Variants in JPH3 observed in about 807,000 individuals in gnomAD.
The protein encoded by JPH3 is junctophilin 3, also known as junctophilin-3.
In JPH3, 11 loss-of-function variants were observed where a neutral mutation model predicts 59.6. The observed-to-expected ratio is 0.18, with a 90% CI of 0.12 to 0.31. JPH3 has a LOEUF of 0.31. Among genes scored for constraint, JPH3 ranks in the 10% least tolerant of loss-of-function variants. JPH3 has a pLI of 1.00. For synonymous variants in JPH3, 673 were observed against 483.6 expected (o/e 1.39, Z -5.14); for missense variants, 1,202 against 1,105.7 (o/e 1.09, Z -1.24).
chr16:87,618,541 G>A (rs1329213804), intron 1 of JPH3, among the ~76,000 whole-genome samples: 1 of 152,232 alleles, frequency 6.6e-6, no homozygotes, highest in Non-Finnish European at 1.5e-5. Flanking sequence ...CTGGGAGACA[G>A]ACTGACAGTG....
rs1028487608 is a variant in JPH3, at chr16:87,677,191, C to T, written c.1161-6951C>T. On this transcript the variant is annotated intron_variant, in intron 2 of 4. Coordinates refer to ENST00000284262, the MANE Select transcript of JPH3 (RefSeq NM_020655.4). ...CACACGCACTATATATATATACACA[C>T]ACACACACACACACACACACACACA... Among the ~76,000 whole-genome samples, 599 of 104,394 alleles carry T rather than the reference C, an allele frequency of 5.7e-3. 16 individuals are homozygous for T. Among genetic ancestry groups the T allele is most frequent in the African/African-American group, 0.023 (563 of 24,816 alleles). The allele number at this position is 104,394 out of a possible 152,430, so 68.5% of individuals were successfully genotyped here.
At chr16:87,629,484 C>T (rs544453063) in intron 1 of JPH3, among the ~76,000 whole-genome samples, 51 of 147,076 alleles carry the variant, frequency 3.5e-4, no homozygotes, top group African/African-American at 1.2e-3. Flanking sequence ...TGCCCAAAGT[C>T]GGAAGCAGCG....
rs1347075804 is a variant in JPH3 at position 87,690,436 on chromosome 16, T to A, written c.2076T>A (p.Arg692=). 24 of 1,495,226 alleles carry A rather than the reference T, an allele frequency of 1.6e-5. No homozygotes were observed. The highest frequency in any genetic ancestry group is 2.4e-5 in the Admixed American group (1 of 41,006). 92.6% of individuals were successfully genotyped at this position (1,495,226 alleles called of 1,614,324 possible). ...RLGGAEPRLL[R]WDLTFSPPQK... ...GCGGGGCCGAGCCCCGGTTGCTGCGTTGGGACTTGACCTTCTCCCCGCCCC... is the reference window on the plus strand; with the variant it reads ...GCGGGGCCGAGCCCCGGTTGCTGCGATGGGACTTGACCTTCTCCCCGCCCC... Residue 692 remains arginine (R), a synonymous_variant, in exon 4 of 5, where the codon CGT becomes CGA. Coordinates refer to ENST00000284262, the MANE Select transcript of JPH3 (RefSeq NM_020655.4).
In JPH3 at chr16:87,611,923, T is replaced by A. The variant is rs1236715713; in HGVS notation, c.382+8395T>A. ...GGTTAGAAATGCAGCGTGTCAGGCC[T>A]GCCTGACCTCCAGGGTCAGGATGTG... On this transcript the variant is annotated intron_variant, in intron 1 of 4. Transcript: ENST00000284262. The surrounding 1 kb of genome is among the most constrained non-coding windows in gnomAD (Gnocchi z 4.5). Among the ~76,000 whole-genome samples the A allele has an allele frequency of 6.6e-6, 1 of 152,184 alleles. No individual in the cohort carries two copies. The highest frequency in any genetic ancestry group is 2.4e-5 in the African/African-American group (1 of 41,448).
intron 2 of JPH3, among the ~76,000 whole-genome samples, chr16:87,682,161 C>G (rs2033312244): frequency 6.6e-6 from 1 of 152,194 alleles, no homozygotes; most frequent in African/African-American, 2.4e-5. Context: ...TGCTTCATTT[C>G]CTGGACACGT....
intron 1 of JPH3, among the ~76,000 whole-genome samples, chr16:87,632,921 C>G (rs1052669112): frequency 6.6e-6 from 1 of 151,850 alleles, no homozygotes; most frequent in Non-Finnish European, 1.5e-5. Context: ...TTGGTAGAGA[C>G]AGGGTCTTGC....
At chr16:87,624,336 CCT>C (rs1366505541) in intron 1 of JPH3, among the ~76,000 whole-genome samples, 1 of 152,202 alleles carries the variant, frequency 6.6e-6, no homozygotes, top group East Asian at 1.9e-4. Context: ...GCTCCCCACC[CCT>C]GGTGACCGAG....
intron 2 of JPH3, among the ~76,000 whole-genome samples, chr16:87,668,452 T>A (rs1186515150): frequency 2.0e-5 from 3 of 152,198 alleles, no homozygotes; most frequent in Non-Finnish European, 2.9e-5. Flanking sequence ...TTCCCTTCAC[T>A]GAGCCTTCAT....
At chr16:87,652,729 G>A (rs1378667796) in intron 2 of JPH3, among the ~76,000 whole-genome samples, 3 of 152,270 alleles carry the variant, frequency 2.0e-5, no homozygotes, top group South Asian at 2.1e-4. Flanking sequence ...CGTGAGTTGA[G>A]GCCCTTGGAT....
intron 1 of JPH3, among the ~76,000 whole-genome samples, chr16:87,636,997 C>G (rs1032868541): frequency 6.6e-6 from 1 of 152,224 alleles, no homozygotes; most frequent in South Asian, 2.1e-4. Flanking sequence ...TCCAGCATGA[C>G]GGGGGTCAGG....
intron 2 of JPH3, among the ~76,000 whole-genome samples, chr16:87,652,439 TA>T (rs2032353667): frequency 6.6e-6 from 1 of 152,240 alleles, no homozygotes. Flanking sequence ...ATAGCACGCT[TA>T]ATAGACTACA....
At chr16:87,678,018 C>G (rs1262430322) in intron 2 of JPH3, among the ~76,000 whole-genome samples, 1 of 150,414 alleles carries the variant, frequency 6.6e-6, no homozygotes, top group African/African-American at 2.5e-5. Flanking sequence ...TTTGGGAGGC[C>G]AAGGTGGAGG....
At position 87,682,678 on chromosome 16, in the gene JPH3, T is replaced by C. The variant is rs1230889524; in HGVS notation, c.1161-1464T>C. On this transcript the variant is annotated intron_variant, in intron 2 of 4. Transcript: ENST00000284262. Reference sequence around the variant, plus strand: ...TCTGCTATTGATGAGCCGCCCAAGCTGCGGTGCTTTGTTGCAGCCCCAACA... The same window carrying C: ...TCTGCTATTGATGAGCCGCCCAAGCCGCGGTGCTTTGTTGCAGCCCCAACA... Among the ~76,000 whole-genome samples, 4 of 152,322 alleles carry C rather than the reference T, an allele frequency of 2.6e-5. No homozygotes were observed. In the East Asian group the frequency reaches 7.7e-4, roughly 29 times the overall value.
At chr16:87,614,191 G>C (rs558455662) in intron 1 of JPH3, among the ~76,000 whole-genome samples, 1 of 152,056 alleles carries the variant, frequency 6.6e-6, no homozygotes, top group Non-Finnish European at 1.5e-5. Flanking sequence ...CTGCAGATAC[G>C]AGGAGCCGCG....
intron 1 of JPH3, among the ~76,000 whole-genome samples, chr16:87,629,327 T>C (rs1458995608): frequency 6.6e-6 from 1 of 152,198 alleles, no homozygotes; most frequent in South Asian, 2.1e-4. Flanking sequence ...TGCAGGAGTT[T>C]TAGTAAAGAT....
intron 1 of JPH3, among the ~76,000 whole-genome samples, chr16:87,626,679 A>G (rs1182597113): frequency 2.0e-5 from 3 of 152,262 alleles, no homozygotes; most frequent in South Asian, 2.1e-4. Flanking sequence ...GGGGTGGTGC[A>G]TGTCCAGAAC....
intron 1 of JPH3, among the ~76,000 whole-genome samples, chr16:87,631,388 C>A (rs185120959): frequency 6.6e-6 from 1 of 152,164 alleles, no homozygotes; most frequent in African/African-American, 2.4e-5. Flanking sequence ...ATCATTTCTG[C>A]TCATAATTTG....
intron 1 of JPH3, among the ~76,000 whole-genome samples, chr16:87,641,689 C>T (rs1185424766): frequency 5.3e-5 from 8 of 152,256 alleles, no homozygotes; most frequent in East Asian, 1.9e-4. Context: ...GAGGCTGCAG[C>T]GTGTGGCAGG....
rs765252754 is a variant in JPH3 at position 87,690,058 on chromosome 16, C to T, written c.1698C>T (p.Pro566=). 74 of 1,570,836 alleles carry T rather than the reference C, an allele frequency of 4.7e-5. No individual in the cohort carries two copies. The highest frequency in any genetic ancestry group is 3.3e-4 in the Middle Eastern group (2 of 6,028). ...FRTRGSGRKQ[P]GNPKPRERRT... ...CCCGAGGTTCGGGCCGCAAGCAGCC[C>T]GGGAACCCCAAGCCGCGGGAGCGGC... Residue 566 remains proline, a synonymous_variant, in exon 4 of 5, where the codon CCC becomes CCT. Coordinates refer to ENST00000284262, the MANE Select transcript of JPH3 (RefSeq NM_020655.4).
Sources: gnomAD v4.1 joint callset for allele counts (sites outside exome capture counted in the v4.1 genomes callset) on GRCh38, gnomAD v4.1.1 for gene constraint, Gnocchi (gnomAD v3.1) non-coding constraint, MANE v1.5 for transcripts, NCBI Gene and HGNC (gene_info 2026-07-23, HGNC 2026-07-21) for gene names.